DLEC1: variants seen among roughly 807,000 people sequenced by gnomAD.
DLEC1 encodes DLEC1 cilia and flagella associated protein, also known as deleted in lung and esophageal cancer protein 1.
In DLEC1, 146 loss-of-function variants were observed where a neutral mutation model predicts 198.1. That is an observed-to-expected ratio of 0.74 (90% CI 0.64 to 0.85). The LOEUF (loss-of-function observed/expected upper bound fraction) is 0.85. DLEC1 is among the 40% of genes least tolerant of loss of function. The pLI is 0.00. For missense variants in DLEC1, 2,233 were observed against 2,220.0 expected, an observed-to-expected ratio of 1.01 and a Z score of -0.12; for synonymous variants, 897 against 866.8, an observed-to-expected ratio of 1.03 and a Z score of -0.61.
At position 38,112,391 on chromosome 3, in the gene DLEC1, G is replaced by T. The variant is rs759630004; in HGVS notation, c.3666+30G>T. 6.2e-7 allele frequency: 1 copy of T among 1,608,538 alleles called. No homozygotes were observed. Among genetic ancestry groups the T allele is most frequent in the Non-Finnish European group, 8.5e-7 (1 of 1,175,496 alleles). ...GGGTACACAAGAGGGCAGTGGCCTG[G>T]GGGGTGGAGAGTCTGCCCAGCCCTC... On this transcript the variant is annotated intron_variant, in intron 25 of 36. Coordinates refer to ENST00000308059, the MANE Select transcript of DLEC1 (RefSeq NM_007335.4). This position sits in a 1 kb window ranked among gnomAD's most constrained non-coding sequence, Gnocchi z 4.8.
At chr3:38,104,086 A>G (rs1301639608) in intron 19 of DLEC1, among the ~76,000 whole-genome samples, 1 of 152,230 alleles carries the variant, frequency 6.6e-6, no homozygotes, top group Admixed American at 6.5e-5. Context: ...AAATCACAGT[A>G]TCTGTGAAGT....
At chr3:38,120,688 G>C in intron 34 of DLEC1, 79 bp downstream of exon 34, 1 of 1,569,468 alleles carries the variant, frequency 6.4e-7, no homozygotes, top group South Asian at 1.2e-5. Context: ...GAGGAGGAAA[G>C]ACCTAGCAGG....
In DLEC1 at chr3:38,116,502, G is replaced by C; in HGVS notation, c.3906G>C (p.Arg1302=). Residue 1302 remains arginine (R), a synonymous_variant, in exon 28 of 37, where the codon CGG becomes CGC. Coordinates refer to ENST00000308059, the MANE Select transcript of DLEC1 (RefSeq NM_007335.4). The stretch of plus-strand genomic sequence containing the variant: ...ATGTTCCAGAAGACAAGGAAGACCG[G>C]CTGGTGGAGCTGCTGGTGTTTTATG... ...ETYVPEDKED[R]LVELLVFYGP... is the part of the protein sequence containing the mutation. The C allele has an allele frequency of 6.2e-7, 1 of 1,614,116 alleles. No homozygotes were observed. The highest frequency in any genetic ancestry group is 1.1e-5 in the South Asian group (1 of 91,088).
chr3:38,094,751 C>A, intron 12 of DLEC1, 128 bp from the exon 13 acceptor site: 1 of 1,099,546 alleles, frequency 9.1e-7, no homozygotes, highest in South Asian at 1.6e-5. Context: ...GGTGTGAAGG[C>A]TGACCTGGTT....
intron 22 of DLEC1, 47 bp downstream of exon 22, chr3:38,109,609 G>A (rs749708898): frequency 1.4e-4 from 225 of 1,611,688 alleles, no homozygotes; most frequent in Non-Finnish European, 1.9e-4. Flanking sequence ...ACTGAGGAAT[G>A]AGGCAGCCGC....
intron 2 of DLEC1, among the ~76,000 whole-genome samples, chr3:38,046,210 G>C (rs1167600601): frequency 6.6e-6 from 1 of 152,030 alleles, no homozygotes; most frequent in Non-Finnish European, 1.5e-5. Context: ...GGGCAGATTT[G>C]TGTGTGTGTG....
intron 2 of DLEC1, among the ~76,000 whole-genome samples, chr3:38,050,719 T>C (rs1163983837): frequency 6.6e-6 from 1 of 152,172 alleles, no homozygotes; most frequent in Non-Finnish European, 1.5e-5. Context: ...GGGAACAAAC[T>C]CCTAAACTAT....
At chr3:38,074,753 G>A (rs1189718192) in intron 6 of DLEC1, among the ~76,000 whole-genome samples, 1 of 152,196 alleles carries the variant, frequency 6.6e-6, no homozygotes, top group Non-Finnish European at 1.5e-5. Flanking sequence ...TGGGGAGAGG[G>A]TAGAAGTCAG....
At chr3:38,075,009 G>A (rs1365460907) in intron 6 of DLEC1, among the ~76,000 whole-genome samples, 1 of 152,138 alleles carries the variant, frequency 6.6e-6, no homozygotes, top group Non-Finnish European at 1.5e-5. Flanking sequence ...GACCGGGTGT[G>A]AGGAGGGGAG....
At chr3:38,050,776 G>A (rs1292045640) in intron 2 of DLEC1, among the ~76,000 whole-genome samples, 1 of 152,114 alleles carries the variant, frequency 6.6e-6, no homozygotes, top group Non-Finnish European at 1.5e-5. Context: ...TCAATCCTTT[G>A]TATTAAAACC....
At chr3:38,054,306 G>T (rs1308919769) in intron 2 of DLEC1, among the ~76,000 whole-genome samples, 3 of 152,208 alleles carry the variant, frequency 2.0e-5, no homozygotes, top group African/African-American at 7.2e-5. Flanking sequence ...ACACTGAGGA[G>T]CTCTCCTGCC....
At chr3:38,110,999 T>C (rs1699850720) in intron 23 of DLEC1, among the ~76,000 whole-genome samples, 1 of 152,098 alleles carries the variant, frequency 6.6e-6, no homozygotes, top group African/African-American at 2.4e-5. Flanking sequence ...CACACCCACA[T>C]ACACACATAC....
rs749106364 is a variant in DLEC1, at chr3:38,062,720, G to A, written c.1013G>A (p.Arg338Gln). Residue 338 changes from arginine to glutamine, a missense_variant, in exon 5 of 37, where the codon CGA becomes CAA. By Grantham distance (43) the Arg-to-Gln change is conservative (BLOSUM62 1). Transcript: ENST00000308059. ...KNPRFFPPNT[R>Q]YGGKSLVFPP... ...CCCCGTTTTTTTCCTCCTAACACTCGATATGGAGGCAAGTCTCTTGTTTTT... is the reference window on the plus strand; with the variant it reads ...CCCCGTTTTTTTCCTCCTAACACTCAATATGGAGGCAAGTCTCTTGTTTTT... 28 of 1,613,894 alleles carry A rather than the reference G, an allele frequency of 1.7e-5. No individual in the cohort carries two copies. In the East Asian group the frequency reaches 2.0e-4, roughly 12 times the overall value.
At chr3:38,043,634 C>T (rs1310521936) in intron 1 of DLEC1, among the ~76,000 whole-genome samples, 3 of 152,192 alleles carry the variant, frequency 2.0e-5, no homozygotes, top group African/African-American at 7.2e-5. Context: ...AAACTGTAAA[C>T]TCTTTAAGAG....
intron 6 of DLEC1, among the ~76,000 whole-genome samples, chr3:38,083,582 C>G: frequency 6.6e-6 from 1 of 151,172 alleles, no homozygotes; most frequent in African/African-American, 2.4e-5. Flanking sequence ...GCCATTTACA[C>G]TTCTTTTGTG....
intron 6 of DLEC1, among the ~76,000 whole-genome samples, chr3:38,081,647 C>T (rs1461056538): frequency 1.1e-3 from 85 of 76,178 alleles, no homozygotes; most frequent in East Asian, 3.9e-3. Flanking sequence ...CCGGACGGGG[C>T]GGCTGGCCGG....
At chr3:38,114,240 CTG>C (rs774177692) in intron 25 of DLEC1, 100 bp from the exon 26 acceptor site, 18 of 1,104,800 alleles carry the variant, frequency 1.6e-5, no homozygotes, top group Non-Finnish European at 2.2e-5. Flanking sequence ...TGGGACCAAA[CTG>C]TGGGGCCCCT....
chr3:38,104,578 G>A (rs1316534523), intron 19 of DLEC1, among the ~76,000 whole-genome samples: 1 of 151,800 alleles, frequency 6.6e-6, no homozygotes, highest in Non-Finnish European at 1.5e-5. Context: ...GTACATAGTT[G>A]TTAGTGGTAT....
intron 21 of DLEC1, 151 bp from the exon 22 acceptor site, chr3:38,109,281 G>T (rs998260864): frequency 9.1e-7 from 1 of 1,102,864 alleles, no homozygotes; most frequent in Non-Finnish European, 1.3e-6. Flanking sequence ...GGCTGAGGGC[G>T]GGTCGACTGG....
Sources: gnomAD v4.1 joint callset for allele counts (sites outside exome capture counted in the v4.1 genomes callset) on GRCh38, gnomAD v4.1.1 for gene constraint, Gnocchi (gnomAD v3.1) non-coding constraint, MANE v1.5 for transcripts, NCBI Gene and HGNC (gene_info 2026-07-23, HGNC 2026-07-21) for gene names.